The following KIR3DL1 variants were observed in gnomAD, a reference collection of about 807,000 sequenced individuals.
The protein encoded by KIR3DL1 is killer cell immunoglobulin like receptor, three Ig domains and long cytoplasmic tail 1, also known as killer cell immunoglobulin-like receptor 3DL1.
In KIR3DL1, 50 loss-of-function variants were observed where a neutral mutation model predicts 40.3. The observed-to-expected ratio is 1.24, with a 90% CI of 0.99 to 1.57. KIR3DL1 has a LOEUF of 1.57. KIR3DL1 is among the 40% of genes most tolerant of loss of function. The pLI, the probability that KIR3DL1 is intolerant of heterozygous loss-of-function variation, is 0.00. For missense variants in KIR3DL1, 661 were observed against 559.9 expected, an observed-to-expected ratio of 1.18 and a Z score of -1.82; for synonymous variants, 257 against 207.2, an observed-to-expected ratio of 1.24 and a Z score of -2.07.
At position 54,830,040 on chromosome 19, in the gene KIR3DL1, G is replaced by C. The variant is rs1338416256; in HGVS notation, c.1159-59G>C. The C allele has an allele frequency of 3.9e-6, 6 of 1,521,800 alleles. 1 individual carries two copies. The highest frequency in any genetic ancestry group is 2.5e-5 in the South Asian group (2 of 79,466). The allele number at this position is 1,521,800 out of a possible 1,614,324, so 94.3% of individuals were successfully genotyped here. ...TTATTCCCAAACAGTCCTGGAAAAC[G>C]TGAGCACCCTCCCTCACTCAGCATT... is the stretch of plus-strand genomic sequence containing the variant. On this transcript the variant is annotated intron_variant, in intron 8 of 8. Coordinates refer to ENST00000391728, the Ensembl canonical transcript of KIR3DL1.
Position 54,819,787 on chromosome 19 carries a change from TG to T in KIR3DL1, c.431del (p.Cys144PhefsTer42). On this transcript the variant is annotated frameshift_variant, in exon 4 of 9. Coordinates refer to ENST00000391728, the Ensembl canonical transcript of KIR3DL1. LOFTEE classifies it high-confidence loss of function. ...ATCAGGAGAGAGAGTCATCCTGCAATGTTGGTCAGATATCATGTTTGAGCAC... is the reference window on the plus strand; with the variant it reads ...ATCAGGAGAGAGAGTCATCCTGCAATTTGGTCAGATATCATGTTTGAGCAC... 6.2e-7 allele frequency: 1 copy of T among 1,611,450 alleles called. No individual in the cohort carries two copies. The highest frequency in any genetic ancestry group is 1.1e-5 in the South Asian group (1 of 90,664).
At chr19:54,824,450 G>A (rs35886422) in intron 5 of KIR3DL1, among the ~76,000 whole-genome samples, 40,998 of 150,052 alleles carry the variant, frequency 0.27, 5,733 homozygotes, top group Non-Finnish European at 0.32. Context: ...GCCGAGGCGG[G>A]TGGATCACCT....
chr19:54,818,366 GA>G lies in KIR3DL1; in HGVS notation c.123del (p.Gly42GlufsTer4), dbSNP rs2061457552. The G allele has an allele frequency of 1.2e-6, 2 of 1,605,566 alleles. No homozygotes were observed. The highest frequency in any genetic ancestry group is 1.7e-6 in the Non-Finnish European group (2 of 1,178,040). ...GCCTGGCCCAGCGCTGTGGTGCCTC[GA>G]GGAGGACACGTGACTCTTCGGTGTC... On this transcript the variant is annotated frameshift_variant, in exon 3 of 9. Coordinates refer to ENST00000391728, the Ensembl canonical transcript of KIR3DL1. LOFTEE classifies it high-confidence loss of function.
chr19:54,818,496 T>G (rs1230963134), exon 3 of KIR3DL1: 1 of 1,611,228 alleles, frequency 6.2e-7, no homozygotes, highest in Non-Finnish European at 8.5e-7. Flanking sequence ...ACATGAGCCC[T>G]GTGACCACAG....
intron 2 of KIR3DL1, 81 bp from the exon 3 acceptor site, chr19:54,818,234 A>C: frequency 6.7e-7 from 1 of 1,486,820 alleles, no homozygotes; most frequent in Non-Finnish European, 9.2e-7. Flanking sequence ...GAAAGTGGAA[A>C]TGGGGAGAAT....
At position 54,829,967 on chromosome 19, in the gene KIR3DL1, C is replaced by G. The variant is rs376932085; in HGVS notation, c.1145C>G (p.Thr382Arg). ...GACCAAGAGCCTGCAGGGAACAGAACAGCCAACAGCGAGGTAGGTGCTCCT... is the reference window on the plus strand; with the variant it reads ...GACCAAGAGCCTGCAGGGAACAGAAGAGCCAACAGCGAGGTAGGTGCTCCT... Residue 382 changes from threonine to arginine, a missense_variant, in exon 8 of 9, where the codon ACA becomes AGA. Physicochemically the swap from Thr to Arg is moderately conservative, Grantham distance 71 (BLOSUM62 -1). This residue lies in a region of KIR3DL1 where 107 missense variants were observed against 129.4 expected (regional missense o/e 0.83). Coordinates refer to ENST00000391728, the Ensembl canonical transcript of KIR3DL1. 10 of 1,484,738 alleles carry G rather than the reference C, an allele frequency of 6.7e-6. 1 individual carries two copies. Among genetic ancestry groups the G allele is most frequent in the African/African-American group, 2.8e-5 (2 of 71,636 alleles). 92.0% of individuals were successfully genotyped at this position (1,484,738 alleles called of 1,614,324 possible).
At chr19:54,819,430 C>A (rs1350773386) in intron 3 of KIR3DL1, among the ~76,000 whole-genome samples, 1 of 147,462 alleles carries the variant, frequency 6.8e-6, no homozygotes, top group African/African-American at 2.5e-5. Flanking sequence ...CCCACATAGA[C>A]AGCAGGAAAG....
exon 4 of KIR3DL1, chr19:54,819,917 T>G (rs660405): frequency 0.22 from 354,479 of 1,610,268 alleles, 41,841 homozygotes; most frequent in South Asian, 0.32. Flanking sequence ...CCCATGATGC[T>G]TGCCCTTGCA....
chr19:54,823,414 C>T (rs1169652597), intron 5 of KIR3DL1, among the ~76,000 whole-genome samples: 1 of 151,274 alleles, frequency 6.6e-6, no homozygotes, highest in Non-Finnish European at 1.5e-5. Context: ...CAACAGGGTA[C>T]CAGGGTTCTC....
intron 2 of KIR3DL1, 55 bp downstream of exon 2, chr19:54,817,624 T>A: frequency 8.6e-6 from 12 of 1,394,980 alleles, no homozygotes; most frequent in Non-Finnish European, 1.2e-5. Flanking sequence ...AGGATTTTCC[T>A]GAAATGGGAG....
intron 6 of KIR3DL1, among the ~76,000 whole-genome samples, chr19:54,826,886 G>A (rs2061924496): frequency 6.6e-6 from 1 of 151,786 alleles, no homozygotes; most frequent in Admixed American, 6.6e-5. Context: ...GAGCACACTG[G>A]GTACACAGGA....
At chr19:54,827,528 T>A (rs1426564199) in intron 6 of KIR3DL1, among the ~76,000 whole-genome samples, 1 of 150,662 alleles carries the variant, frequency 6.6e-6, no homozygotes, top group Non-Finnish European at 1.5e-5. Context: ...AGCAGGAGAA[T>A]GACTTCAACC....
intron 6 of KIR3DL1, among the ~76,000 whole-genome samples, chr19:54,827,389 G>C (rs28374872): frequency 0.044 from 6,637 of 149,786 alleles, 369 homozygotes; most frequent in East Asian, 0.09. Context: ...TCAGGAGTTC[G>C]AGACCAGCCT....
chr19:54,823,338 C>G lies in KIR3DL1; in HGVS notation c.949+1480C>G, dbSNP rs371140569. Among the ~76,000 whole-genome samples the G allele has an allele frequency of 1.6e-4, 24 of 151,250 alleles. 1 individual carries two copies. In the South Asian group the frequency reaches 3.0e-3, roughly 19 times the overall value. The stretch of plus-strand genomic sequence containing the variant: ...AGGCATAAGCCACTATGCCCAGCCT[C>G]CTTTTAGTTTTTTAAAGAATTTCCA... On this transcript the variant is annotated intron_variant, in intron 5 of 8. Transcript: ENST00000391728.
Position 54,825,547 on chromosome 19 carries a change from G to A in KIR3DL1, c.1000+469G>A, listed in dbSNP as rs200713531. On this transcript the variant is annotated intron_variant, in intron 6 of 8. Coordinates refer to ENST00000391728, the Ensembl canonical transcript of KIR3DL1. The stretch of plus-strand genomic sequence containing the variant: ...GTAACAGAGAACAGAGCTCATGCAC[G>A]CACACTTCGACTCACTGACTCATTC... Among the ~76,000 whole-genome samples, 21 of 149,250 alleles carry A rather than the reference G, an allele frequency of 1.4e-4. 1 individual carries two copies. Among genetic ancestry groups the A allele is most frequent in the South Asian group, 4.3e-4 (2 of 4,674 alleles).
Position 54,823,584 on chromosome 19 carries a change from G to A in KIR3DL1, c.950-1444G>A, listed in dbSNP as rs1236501002. Among the ~76,000 whole-genome samples the A allele has an allele frequency of 2.6e-5, 4 of 151,306 alleles. 1 individual carries two copies. The highest frequency in any genetic ancestry group is 5.9e-5 in the Non-Finnish European group (4 of 67,934). On this transcript the variant is annotated intron_variant, in intron 5 of 8. Coordinates refer to ENST00000391728, the Ensembl canonical transcript of KIR3DL1. ...GTGATCTCAGCTCACTGCAACCTCC[G>A]CCTCCCGCGTTCAACTGATTCTCCT...
intron 2 of KIR3DL1, 53 bp downstream of exon 2, chr19:54,817,622 C>G: frequency 7.1e-7 from 1 of 1,400,400 alleles, no homozygotes; most frequent in South Asian, 1.2e-5. Flanking sequence ...AGAGGATTTT[C>G]CTGAAATGGG....
chr19:54,819,708 T>G lies in KIR3DL1; in HGVS notation c.356-5T>G. 4.4e-6 allele frequency: 7 copies of G among 1,606,388 alleles called. No individual in the cohort carries two copies. The highest frequency in any genetic ancestry group is 6.0e-6 in the Non-Finnish European group (7 of 1,176,302). ...GCCTTCTAAACTCACAACTTCTCTT[T>G]CTAGGAAACCACAGAAAACCTTCCC... is the stretch of plus-strand genomic sequence containing the variant. On this transcript the variant is annotated splice_polypyrimidine_tract_variant and splice_region_variant and intron_variant, in intron 3 of 8. Coordinates refer to ENST00000391728, the Ensembl canonical transcript of KIR3DL1.
exon 3 of KIR3DL1, chr19:54,818,407 T>C: frequency 6.2e-7 from 1 of 1,607,032 alleles, no homozygotes; most frequent in Non-Finnish European, 8.5e-7. Flanking sequence ...TCGTCATAGG[T>C]TTAACAATTT....
Sources: allele counts gnomAD v4.1 joint callset (sites outside exome capture counted in the v4.1 genomes callset), GRCh38; gene constraint gnomAD v4.1.1; regional missense constraint gnomAD v4.1.1; transcripts MANE v1.5; gene names NCBI Gene and HGNC (gene_info 2026-07-23, HGNC 2026-07-21).